Variants in CDH9 observed in about 807,000 individuals in gnomAD.
The protein encoded by CDH9 is cadherin-9.
In CDH9, 28 loss-of-function variants were observed where a neutral mutation model predicts 70.9. The observed-to-expected ratio is 0.40, with a 90% CI of 0.29 to 0.54. The LOEUF (loss-of-function observed/expected upper bound fraction) is 0.54. CDH9 is among the 20% of genes least tolerant of loss of function. CDH9 has a pLI of 0.59. For missense variants in CDH9, 874 were observed against 984.4 expected (o/e 0.89, Z 1.50); for synonymous variants, 409 against 343.1 (o/e 1.19, Z -2.12).
At chr5:26,935,096 A>T (rs1026423717) in intron 2 of CDH9, among the ~76,000 whole-genome samples, 2 of 152,320 alleles carry the variant, frequency 1.3e-5, no homozygotes, top group Admixed American at 6.5e-5. Flanking sequence ...GAAGTGAATT[A>T]GGTAATCTGT....
At chr5:26,946,061 G>A (rs1211536573) in intron 2 of CDH9, among the ~76,000 whole-genome samples, 4 of 152,118 alleles carry the variant, frequency 2.6e-5, no homozygotes, top group Admixed American at 6.6e-5. Context: ...TAGACACTAT[G>A]AGTAATGGGA....
At position 26,988,095 on chromosome 5, in the gene CDH9, A is replaced by G; in HGVS notation, c.228+11T>C. On this transcript the variant is annotated intron_variant, in intron 2 of 11. Coordinates refer to ENST00000231021, the MANE Select transcript of CDH9 (RefSeq NM_016279.4). ...TTTCAGCTTTTAGATTTCTCATACA[A>G]AAATTCTTACCTTGCCTACATATTG... is the stretch of plus-strand genomic sequence containing the variant. 6.3e-7 allele frequency: 1 copy of G among 1,582,868 alleles called. No individual in the cohort carries two copies. Among genetic ancestry groups the G allele is most frequent in the Non-Finnish European group, 8.6e-7 (1 of 1,157,396 alleles).
chr5:26,999,193 C>T (rs1310411270), intron 1 of CDH9, among the ~76,000 whole-genome samples: 2 of 151,736 alleles, frequency 1.3e-5, no homozygotes, highest in African/African-American at 2.4e-5. Flanking sequence ...TGCAGTGAGC[C>T]GAGATCATGC....
intron 1 of CDH9, among the ~76,000 whole-genome samples, chr5:26,998,252 T>G (rs1265440516): frequency 6.6e-6 from 1 of 152,124 alleles, no homozygotes; most frequent in Non-Finnish European, 1.5e-5. Context: ...AAAAATTTTC[T>G]CCCATTCTGT....
intron 1 of CDH9, among the ~76,000 whole-genome samples, chr5:26,998,155 C>G (rs1742698995): frequency 6.6e-6 from 1 of 152,116 alleles, no homozygotes; most frequent in Admixed American, 6.5e-5. Flanking sequence ...TGCCTTTGAG[C>G]AATAGAAACA....
At chr5:26,965,882 A>G (rs1056928147) in intron 2 of CDH9, among the ~76,000 whole-genome samples, 2 of 152,170 alleles carry the variant, frequency 1.3e-5, no homozygotes, top group Non-Finnish European at 2.9e-5. Context: ...GTCTATGAAA[A>G]TATAGAATAG....
chr5:26,975,572 T>C (rs1414898334), intron 2 of CDH9, among the ~76,000 whole-genome samples: 1 of 152,212 alleles, frequency 6.6e-6, no homozygotes, highest in Non-Finnish European at 1.5e-5. Context: ...CACATGCATA[T>C]TCACATTGTG....
At chr5:26,898,112 A>G (rs1740784558) in intron 7 of CDH9, among the ~76,000 whole-genome samples, 1 of 152,196 alleles carries the variant, frequency 6.6e-6, no homozygotes, top group Admixed American at 6.5e-5. Flanking sequence ...AATAAAGCTT[A>G]CAAGGGATGT....
Position 26,902,492 on chromosome 5 carries a change from TG to T in CDH9, c.1236del (p.Arg413GlyfsTer4). 6.2e-7 allele frequency: 1 copy of T among 1,600,966 alleles called. No individual in the cohort carries two copies. The highest frequency in any genetic ancestry group is 8.6e-7 in the Non-Finnish European group (1 of 1,169,356). ...AGTACTTACTTTATTAAATTGTTCC[TG>T]GCATCTGGATCGTATGCTGTAACCT... is the stretch of plus-strand genomic sequence containing the variant. ...IGQVTAYDPD[A>X]RNNLIKYSVD... On this transcript the variant is annotated frameshift_variant, in exon 7 of 12. Coordinates refer to ENST00000231021, the MANE Select transcript of CDH9 (RefSeq NM_016279.4). LOFTEE classifies it high-confidence loss of function.
intron 1 of CDH9, among the ~76,000 whole-genome samples, chr5:27,025,054 A>AT (rs1367360857): frequency 6.6e-6 from 1 of 152,078 alleles, no homozygotes; most frequent in South Asian, 2.1e-4. Context: ...ATATCTATTA[A>AT]TTTTTTTGTG....
At position 26,889,918 on chromosome 5, in the gene CDH9, C is replaced by T; in HGVS notation, c.1430G>A (p.Arg477Lys). 6.2e-7 allele frequency: 1 copy of T among 1,607,354 alleles called. No homozygotes were observed. ...KQSSHIPVFI[R>K]ILDINDHAPE... The stretch of plus-strand genomic sequence containing the variant: ...AGCATGGTCATTTATATCTAGAATT[C>T]TGATGAAGACAGGGATGTGGCTACT... Residue 477 changes from arginine to lysine, a missense_variant, in exon 9 of 12, where the codon AGA becomes AAA. Arg to Lys is a conservative substitution (Grantham distance 26). Transcript: ENST00000231021.
At chr5:26,955,910 T>C (rs1050309418) in intron 2 of CDH9, among the ~76,000 whole-genome samples, 1 of 152,160 alleles carries the variant, frequency 6.6e-6, no homozygotes, top group African/African-American at 2.4e-5. Flanking sequence ...ACCAATGTGA[T>C]TTGAGAGAAT....
chr5:26,988,279 C>T lies in CDH9; in HGVS notation c.55G>A (p.Val19Ile). Residue 19 changes from valine to isoleucine, a missense_variant, in exon 2 of 12, where the codon GTT (valine) becomes ATT (isoleucine). By Grantham distance (29) the Val-to-Ile change is conservative. Coordinates refer to ENST00000231021, the MANE Select transcript of CDH9 (RefSeq NM_016279.4). ...LFIWTYMFHTVDTILLQEKPN... is the reference protein window; with the variant it reads ...LFIWTYMFHTIDTILLQEKPN... ...TTTTCTTGTAATAGGATGGTGTCAA[C>T]TGTATGGAACATATAGGTCCAGATG... 1 of 1,613,282 alleles carries T rather than the reference C, an allele frequency of 6.2e-7. No individual in the cohort carries two copies. Among genetic ancestry groups the T allele is most frequent in the Non-Finnish European group, 8.5e-7 (1 of 1,179,466 alleles).
At chr5:26,928,060 A>C (rs913870959) in intron 2 of CDH9, among the ~76,000 whole-genome samples, 1 of 151,872 alleles carries the variant, frequency 6.6e-6, no homozygotes, top group Non-Finnish European at 1.5e-5. Flanking sequence ...TAAATTATAC[A>C]TATTTTTAGA....
chr5:26,981,300 C>A (rs1579491916), intron 2 of CDH9, among the ~76,000 whole-genome samples: 1 of 152,142 alleles, frequency 6.6e-6, no homozygotes, highest in East Asian at 1.9e-4. Context: ...GCAGAATTTA[C>A]ATTTAACCGA....
chr5:26,989,325 G>A (rs924781111), intron 1 of CDH9, among the ~76,000 whole-genome samples: 6 of 151,978 alleles, frequency 3.9e-5, no homozygotes, highest in Non-Finnish European at 8.8e-5. Context: ...AGATGATAAT[G>A]GCTATGATCT....
rs566688838 is a variant in CDH9 at position 27,029,524 on chromosome 5, G to A, written c.-50+8939C>T. ...AATGACAAGAAAAGAATCTCTATGT[G>A]AAGTTGTTTGAAACAGTGGTCTACA... On this transcript the variant is annotated intron_variant, in intron 1 of 11. Transcript: ENST00000231021. 4.6e-5 allele frequency among the ~76,000 whole-genome samples: 7 copies of A among 152,110 alleles called. No homozygotes were observed. The South Asian group carries it at 1.2e-3, about 27-fold the overall frequency.
At chr5:26,957,425 G>A (rs752142109) in intron 2 of CDH9, among the ~76,000 whole-genome samples, 1 of 152,100 alleles carries the variant, frequency 6.6e-6, no homozygotes, top group African/African-American at 2.4e-5. Flanking sequence ...ACTTTGGGAG[G>A]CCAAGGCGGG....
At position 26,972,999 on chromosome 5, in the gene CDH9, G is replaced by A. The variant is rs149795190; in HGVS notation, c.228+15107C>T. On this transcript the variant is annotated intron_variant, in intron 2 of 11. Coordinates refer to ENST00000231021, the MANE Select transcript of CDH9 (RefSeq NM_016279.4). ...CTGCCTCAGCCTTCCAAGTAGCTGC[G>A]ACTACAAGCGTGTGCTACCACACTC... is the stretch of plus-strand genomic sequence containing the variant. Among the ~76,000 whole-genome samples, 6 of 152,054 alleles carry A rather than the reference G, an allele frequency of 3.9e-5. No individual in the cohort carries two copies. In the East Asian group the frequency reaches 9.7e-4, roughly 25 times the overall value.
Sources: allele counts gnomAD v4.1 joint callset (sites outside exome capture counted in the v4.1 genomes callset), GRCh38; gene constraint gnomAD v4.1.1; transcripts MANE v1.5; gene names NCBI Gene and HGNC (gene_info 2026-07-23, HGNC 2026-07-21).